The following SPTLC2 variants were observed in gnomAD, a reference collection of about 807,000 sequenced individuals.
SPTLC2 encodes the protein serine palmitoyltransferase 2.
In SPTLC2, 21 loss-of-function variants were observed where a neutral mutation model predicts 62.0. That is an observed-to-expected ratio of 0.34 (90% confidence interval 0.24 to 0.49). SPTLC2 has a LOEUF of 0.49. Ranked by LOEUF, SPTLC2 falls within the 20% of genes least tolerant of loss-of-function variation. The pLI is 0.99. For synonymous variants in SPTLC2, 261 were observed against 261.8 expected, an observed-to-expected ratio of 1.00 and a Z score of 0.03; for missense variants, 511 against 713.0, an observed-to-expected ratio of 0.72 and a Z score of 3.23.
In SPTLC2 at chr14:77,510,485, T is replaced by G. The variant is rs2079326807; in HGVS notation, c.*1799A>C. The G allele has an allele frequency of 6.6e-6, 1 of 152,242 alleles. No individual in the cohort carries two copies. The highest frequency in any genetic ancestry group is 2.4e-5 in the African/African-American group (1 of 41,452). 9.4% of individuals were successfully genotyped at this position (152,242 alleles called of 1,614,324 possible). A position where few individuals can be genotyped will look rare whatever the true frequency, so the allele number is the denominator to read the frequency against. ...AACTTAAATGTGTAACATGACTTTT[T>G]TTTTTGAGACACAGTTTTGCTCTGT... On this transcript the variant is annotated 3_prime_UTR_variant, in exon 12 of 12. Transcript: ENST00000216484.
At chr14:77,527,272 A>G (rs2079414027) in intron 9 of SPTLC2, among the ~76,000 whole-genome samples, 1 of 151,744 alleles carries the variant, frequency 6.6e-6, no homozygotes, top group Admixed American at 6.6e-5. Context: ...AATTTTTTGT[A>G]TTTTTAGTAG....
intron 9 of SPTLC2, among the ~76,000 whole-genome samples, chr14:77,531,457 T>TCCTCCTCCTCCTCCTCCTCCTCCC (rs2079438845): frequency 8.1e-6 from 1 of 124,116 alleles, no homozygotes; most frequent in Non-Finnish European, 1.7e-5. Context: ...CTCCTTCTCC[T>TCCTCCTCCTCCTCCTCCTCCTCCC]CCTCCTCCTC....
chr14:77,519,666 C>T (rs1322135153), intron 10 of SPTLC2, among the ~76,000 whole-genome samples: 1 of 152,110 alleles, frequency 6.6e-6, no homozygotes, highest in Non-Finnish European at 1.5e-5. Flanking sequence ...TGCAGTAAGC[C>T]GAGATCACGC....
intron 9 of SPTLC2, among the ~76,000 whole-genome samples, chr14:77,549,821 A>T (rs2079546907): frequency 1.3e-5 from 2 of 152,212 alleles, no homozygotes; most frequent in South Asian, 4.1e-4. Context: ...AGATTTCATC[A>T]TTTAGTACAG....
rs377018367 is a variant in SPTLC2 at position 77,510,098 on chromosome 14, T to C, written c.*2186A>G. ...TAGGAAACTAGATGTGCAGAAAAGG[T>C]TGACAATGTATTTGATTTTATAGGA... On this transcript the variant is annotated 3_prime_UTR_variant, in exon 12 of 12. Coordinates refer to ENST00000216484, the MANE Select transcript of SPTLC2 (RefSeq NM_004863.4). The C allele has an allele frequency of 6.3e-5, 25 of 396,374 alleles. No individual in the cohort carries two copies. The highest frequency in any genetic ancestry group is 2.8e-4 in the South Asian group (2 of 7,090). 24.6% of individuals were successfully genotyped at this position (396,374 alleles called of 1,614,324 possible). A position where few individuals can be genotyped will look rare whatever the true frequency, so the allele number is the denominator to read the frequency against.
intron 9 of SPTLC2, among the ~76,000 whole-genome samples, chr14:77,537,954 T>C (rs2079479551): frequency 6.6e-6 from 1 of 152,212 alleles, no homozygotes; most frequent in Non-Finnish European, 1.5e-5. Context: ...CGGCTTAGCC[T>C]TAACTTTGAA....
intron 5 of SPTLC2, among the ~76,000 whole-genome samples, chr14:77,565,282 A>G (rs779142226): frequency 6.6e-6 from 1 of 151,190 alleles, no homozygotes; most frequent in African/African-American, 2.4e-5. Flanking sequence ...CACCAAGGTA[A>G]TAACTGCCAC....
At chr14:77,523,175 C>T (rs1033314450) in intron 9 of SPTLC2, among the ~76,000 whole-genome samples, 1 of 152,200 alleles carries the variant, frequency 6.6e-6, no homozygotes, top group Non-Finnish European at 1.5e-5. Flanking sequence ...TCAATACATG[C>T]TTAATTTACA....
chr14:77,525,532 G>A (rs541890980), intron 9 of SPTLC2, among the ~76,000 whole-genome samples: 27 of 151,780 alleles, frequency 1.8e-4, no homozygotes, highest in African/African-American at 5.3e-4. Flanking sequence ...AGAGGTTGCC[G>A]TGAGCGAGAC....
chr14:77,567,144 G>T (rs915738012), intron 5 of SPTLC2, among the ~76,000 whole-genome samples: 1 of 151,902 alleles, frequency 6.6e-6, no homozygotes, highest in Non-Finnish European at 1.5e-5. Flanking sequence ...CTAATTTGTT[G>T]TATTTTTAGT....
chr14:77,578,837 T>C (rs1249428321), intron 3 of SPTLC2, 118 bp downstream of exon 3: 16 of 1,079,378 alleles, frequency 1.5e-5, no homozygotes, highest in East Asian at 2.4e-5. Flanking sequence ...ACCAATCATA[T>C]TGTATCCTCA....
intron 4 of SPTLC2, among the ~76,000 whole-genome samples, chr14:77,576,402 T>C (rs959034396): frequency 4.6e-5 from 7 of 152,228 alleles, no homozygotes; most frequent in Non-Finnish European, 1.0e-4. Flanking sequence ...TTAGCCCCCA[T>C]GTACCAGTAT....
intron 9 of SPTLC2, chr14:77,535,922 G>C (rs1274961668): frequency 2.2e-6 from 1 of 454,222 alleles, no homozygotes; most frequent in Non-Finnish European, 4.4e-6. Flanking sequence ...CATAGGCACT[G>C]GTGACTAAAT....
intron 9 of SPTLC2, among the ~76,000 whole-genome samples, chr14:77,543,023 G>A (rs1227804571): frequency 2.0e-5 from 3 of 152,198 alleles, no homozygotes; most frequent in African/African-American, 7.2e-5. Context: ...TTTAACGGGT[G>A]CCAACCCACA....
chr14:77,581,893 CTTT>C (rs1279668212), intron 2 of SPTLC2, among the ~76,000 whole-genome samples: 1 of 152,002 alleles, frequency 6.6e-6, no homozygotes, highest in Non-Finnish European at 1.5e-5. Context: ...CTAATTAAAA[CTTT>C]TTATTTGGCT....
At chr14:77,512,532 C>A in intron 11 of SPTLC2, 129 bp from the exon 12 acceptor site, 1 of 1,360,122 alleles carries the variant, frequency 7.4e-7, no homozygotes, top group Non-Finnish European at 1.0e-6. Context: ...AGTGCATTTA[C>A]AAGATCAGAC....
At chr14:77,549,009 A>C (rs2140015007) in intron 9 of SPTLC2, among the ~76,000 whole-genome samples, 1 of 152,342 alleles carries the variant, frequency 6.6e-6, no homozygotes, top group East Asian at 1.9e-4. Flanking sequence ...TGATAAATGT[A>C]ATATATTCAC....
At chr14:77,557,594 G>A (rs1006158303) in intron 6 of SPTLC2, among the ~76,000 whole-genome samples, 9 of 152,262 alleles carry the variant, frequency 5.9e-5, no homozygotes, top group African/African-American at 2.2e-4. Context: ...AAAAACAAAC[G>A]CAAGGCGTAA....
chr14:77,518,134 G>A lies in SPTLC2; in HGVS notation c.1473C>T (p.Ile491=), dbSNP rs374308415. 2.6e-5 allele frequency: 42 copies of A among 1,613,996 alleles called. No individual in the cohort carries two copies. The South Asian group carries it at 2.7e-4, about 11-fold the overall frequency. The stretch of plus-strand genomic sequence containing the variant: ...CAGGAAATCCAACCACAACGACACC[G>A]ATGTTCCGCTTCAGCATCTCCCGTC... The part of the protein sequence containing the change: ...AFGREMLKRN[I]GVVVVGFPAT... The change falls in exon 11 of 12, where the codon ATC becomes ATT. Residue 491 remains isoleucine, a synonymous_variant. Transcript: ENST00000216484.
Sources: allele counts gnomAD v4.1 joint callset (sites outside exome capture counted in the v4.1 genomes callset), GRCh38; gene constraint gnomAD v4.1.1; transcripts MANE v1.5; gene names NCBI Gene and HGNC (gene_info 2026-07-23, HGNC 2026-07-21).